Variants in RGS7 observed in about 807,000 individuals in gnomAD.
The protein encoded by RGS7 is regulator of G-protein signaling 7.
A neutral mutation model predicts 81.1 loss-of-function variants in RGS7; 27 were observed. The ratio of observed to expected loss-of-function variants is 0.33; its 90% CI spans 0.25 to 0.46. RGS7 has a LOEUF of 0.46. Ranked by LOEUF, RGS7 falls within the 20% of genes least tolerant of loss-of-function variation. The pLI is 1.00. For missense variants in RGS7, 396 were observed against 607.4 expected (o/e 0.65, Z 3.66); for synonymous variants, 208 against 207.7 (o/e 1.00, Z -0.01).
chr1:240,857,688 T>C (rs1661398386), intron 9 of RGS7, among the ~76,000 whole-genome samples: 1 of 152,142 alleles, frequency 6.6e-6, no homozygotes, highest in South Asian at 2.1e-4. Flanking sequence ...AGTCCTTCCA[T>C]GTCTTTTTGT....
chr1:241,144,941 GT>G lies in RGS7; in HGVS notation c.79-46180del, dbSNP rs2068198808. ...AGGGCAGGATGGTGTGTGTGTGTGT[GT>G]GTGTGTGTGTGTGTGTGTGTGTTCG... On this transcript the variant is annotated intron_variant, in intron 2 of 18. Transcript: ENST00000440928. The surrounding 1 kb of genome is among the most constrained non-coding windows in gnomAD (Gnocchi z 4.7). 6.8e-6 allele frequency among the ~76,000 whole-genome samples: 1 copy of G among 146,678 alleles called. No individual in the cohort carries two copies. The highest frequency in any genetic ancestry group is 2.7e-5 in the African/African-American group (1 of 36,574).
intron 4 of RGS7, 126 bp from the exon 5 acceptor site, chr1:240,936,832 C>T (rs1676717354): frequency 1.4e-6 from 1 of 730,566 alleles, no homozygotes; most frequent in African/African-American, 1.8e-5. Context: ...GATTTAATTT[C>T]TGACTTCCTT....
chr1:241,019,303 T>C (rs555222928), intron 3 of RGS7, among the ~76,000 whole-genome samples: 1 of 152,340 alleles, frequency 6.6e-6, no homozygotes, highest in South Asian at 2.1e-4. Context: ...TGAAGGAGTC[T>C]GTTGCTGCAG....
chr1:241,272,018 G>T (rs2077936234), intron 2 of RGS7, among the ~76,000 whole-genome samples: 1 of 148,426 alleles, frequency 6.7e-6, no homozygotes, highest in African/African-American at 2.5e-5. Flanking sequence ...TTTTGAGATG[G>T]AGTCTCACTC....
intron 9 of RGS7, among the ~76,000 whole-genome samples, chr1:240,846,702 G>C (rs571410750): frequency 6.6e-6 from 1 of 152,280 alleles, no homozygotes; most frequent in East Asian, 1.9e-4. Flanking sequence ...GTTGGTTTGT[G>C]TAACCAATAA....
intron 2 of RGS7, among the ~76,000 whole-genome samples, chr1:241,149,725 C>G (rs1337925907): frequency 1.3e-5 from 2 of 152,188 alleles, no homozygotes; most frequent in African/African-American, 4.8e-5. Context: ...GAAACATTTG[C>G]TGCATGTTCA....
chr1:241,157,975 C>T (rs1322339675), intron 2 of RGS7, among the ~76,000 whole-genome samples: 3 of 151,680 alleles, frequency 2.0e-5, no homozygotes, highest in Non-Finnish European at 4.4e-5. Flanking sequence ...CGCCACCACG[C>T]CTGGCTAATT....
chr1:241,165,458 T>G (rs1329088728), intron 2 of RGS7, among the ~76,000 whole-genome samples: 2 of 151,946 alleles, frequency 1.3e-5, no homozygotes, highest in South Asian at 2.1e-4. Context: ...CCATAAAAAA[T>G]GATGAGTTCA....
At chr1:241,099,911 T>C (rs909956876) in intron 2 of RGS7, among the ~76,000 whole-genome samples, 1 of 152,192 alleles carries the variant, frequency 6.6e-6, no homozygotes, top group Non-Finnish European at 1.5e-5. Flanking sequence ...CTAATGTTAA[T>C]TTCTTGTTTT....
chr1:240,891,214 A>G (rs1223716468), intron 6 of RGS7, among the ~76,000 whole-genome samples: 1 of 151,510 alleles, frequency 6.6e-6, no homozygotes, highest in Non-Finnish European at 1.5e-5. Flanking sequence ...GGGGGTGGTT[A>G]TGAAAATTGA....
At chr1:240,790,057 A>G (rs1404419519) in intron 18 of RGS7, among the ~76,000 whole-genome samples, 1 of 152,166 alleles carries the variant, frequency 6.6e-6, no homozygotes, top group East Asian at 1.9e-4. Context: ...GGAAAATAGA[A>G]AAGAACCTAT....
chr1:241,312,610 T>C (rs1169388495), intron 2 of RGS7, among the ~76,000 whole-genome samples: 2 of 152,222 alleles, frequency 1.3e-5, no homozygotes, highest in African/African-American at 4.8e-5. Flanking sequence ...ACTTCATCCA[T>C]GAATGTTGTA....
intron 2 of RGS7, among the ~76,000 whole-genome samples, chr1:241,259,835 G>A (rs570215313): frequency 6.6e-6 from 1 of 151,608 alleles, no homozygotes; most frequent in South Asian, 2.1e-4. Flanking sequence ...CTCAACTGAT[G>A]CCACTATACT....
At chr1:240,952,009 A>G (rs1445152972) in intron 4 of RGS7, among the ~76,000 whole-genome samples, 1 of 152,134 alleles carries the variant, frequency 6.6e-6, no homozygotes, top group Non-Finnish European at 1.5e-5. Context: ...AAGAAAACCC[A>G]CTAACCTAGA....
chr1:240,799,253 TTGTG>T (rs143900617), intron 18 of RGS7, among the ~76,000 whole-genome samples: 42 of 59,254 alleles, frequency 7.1e-4, no homozygotes, highest in East Asian at 2.5e-3. Flanking sequence ...TTATTATGGT[TTGTG>T]TGTGTGTGTG....
At chr1:241,071,874 CAAAAAAAAAA>C (rs58217460) in intron 3 of RGS7, among the ~76,000 whole-genome samples, 3 of 56,856 alleles carry the variant, frequency 5.3e-5, no homozygotes, top group African/African-American at 8.7e-5. Context: ...GAGACCCTGT[CAAAAAAAAAA>C]AAAAAAAAAA....
rs1205364312 is a variant in RGS7 at position 240,827,106 on chromosome 1, T to A, written c.676A>T (p.Thr226Ser). 4 of 1,612,826 alleles carry A rather than the reference T, an allele frequency of 2.5e-6. No homozygotes were observed. In the East Asian group the frequency reaches 8.9e-5, roughly 36 times the overall value. ...ACAAATGACAGTTTTACCTTCCGTG[T>A]TTTGTGGGGGTTTCTCATTCTGGAT... The part of the protein sequence containing the change: ...KSSRMRNPHK[T>S]RKSVYGLQND... The change falls in exon 10 of 19, where the codon ACA (threonine) becomes TCA (serine). Residue 226 changes from threonine (T) to serine (S), a missense_variant. Thr to Ser is a moderately conservative substitution (Grantham distance 58). Coordinates refer to ENST00000440928, the MANE Select transcript of RGS7 (RefSeq NM_001364886.1).
chr1:241,143,850 G>A (rs1196151602), intron 2 of RGS7, among the ~76,000 whole-genome samples: 2 of 152,158 alleles, frequency 1.3e-5, no homozygotes, highest in Non-Finnish European at 2.9e-5. Context: ...TCATGAATGA[G>A]ATTAGTGCCC....
rs1356980770 is a variant in RGS7 at position 241,224,077 on chromosome 1, T to TAC, written c.79-125317_79-125316dup. On this transcript the variant is annotated intron_variant, in intron 2 of 18. Coordinates refer to ENST00000440928, the MANE Select transcript of RGS7 (RefSeq NM_001364886.1). ...GACTGGTGACCAATATATATATATA[T>TAC]ACCATATATATATTTCTTTAATTTA... 3.3e-5 allele frequency among the ~76,000 whole-genome samples: 5 copies of TAC among 150,608 alleles called. No homozygotes were observed. The South Asian group carries it at 6.3e-4, about 19-fold the overall frequency.
Sources: gnomAD v4.1 joint callset for allele counts (sites outside exome capture counted in the v4.1 genomes callset) on GRCh38, gnomAD v4.1.1 for gene constraint, Gnocchi (gnomAD v3.1) non-coding constraint, MANE v1.5 for transcripts, NCBI Gene and HGNC (gene_info 2026-07-23, HGNC 2026-07-21) for gene names.